TCF21: variants seen among roughly 807,000 people sequenced by gnomAD.
TCF21 encodes transcription factor 21.
In TCF21, 3 loss-of-function variants were observed where a neutral mutation model predicts 13.5. The ratio of observed to expected loss-of-function variants is 0.22; its 90% CI spans 0.10 to 0.57. The LOEUF (loss-of-function observed/expected upper bound fraction) is 0.57. TCF21 is among the 20% of genes least tolerant of loss of function. TCF21 has a pLI of 0.92. For synonymous variants in TCF21, 92 were observed against 101.7 expected (o/e 0.90, Z 0.57); for missense variants, 181 against 238.4 (o/e 0.76, Z 1.59).
At chr6:133,891,354 C>T (rs778921887) in intron 1 of TCF21, among the ~76,000 whole-genome samples, 1 of 152,238 alleles carries the variant, frequency 6.6e-6, no homozygotes, top group Non-Finnish European at 1.5e-5. Context: ...CCGGCTCAGA[C>T]TGCCAAAGCG....
chr6:133,890,653 T>A (rs1450434637), intron 1 of TCF21, among the ~76,000 whole-genome samples: 1 of 152,204 alleles, frequency 6.6e-6, no homozygotes, highest in African/African-American at 2.4e-5. Context: ...TATATCTTAA[T>A]TTTTTTCATT....
At position 133,891,833 on chromosome 6, in the gene TCF21, C is replaced by A. The variant is rs1432145775; in HGVS notation, c.*31C>A. 6.8e-6 allele frequency: 11 copies of A among 1,611,668 alleles called. No individual in the cohort carries two copies. The highest frequency in any genetic ancestry group is 1.3e-5 in the African/African-American group (1 of 74,862). ...GAGGTGCGAGTCTGGGAAAGGCGCG[C>A]TCCCGGGGGGAGCGGGCCCCGGGAA... is the stretch of plus-strand genomic sequence containing the variant. On this transcript the variant is annotated 3_prime_UTR_variant, in exon 2 of 2. Coordinates refer to ENST00000367882, the MANE Select transcript of TCF21 (RefSeq NM_003206.4).
chr6:133,890,595 A>G (rs956898955), intron 1 of TCF21, among the ~76,000 whole-genome samples: 4 of 152,218 alleles, frequency 2.6e-5, no homozygotes, highest in African/African-American at 9.7e-5. Flanking sequence ...AAAAACTGAT[A>G]ATCATTGAGT....
rs761671595 is a variant in TCF21 at position 133,891,847 on chromosome 6, G to C, written c.*45G>C. 6.2e-6 allele frequency: 10 copies of C among 1,605,052 alleles called. No homozygotes were observed. In the Admixed American group the frequency reaches 1.5e-4, roughly 24 times the overall value. Reference sequence around the variant, plus strand: ...GGAAAGGCGCGCTCCCGGGGGGAGCGGGCCCCGGGAAGGCGACCCCTGCCC... The same window carrying C: ...GGAAAGGCGCGCTCCCGGGGGGAGCCGGCCCCGGGAAGGCGACCCCTGCCC... On this transcript the variant is annotated 3_prime_UTR_variant, in exon 2 of 2. Transcript: ENST00000367882.
chr6:133,892,798 T>A (rs919283796), downstream of TCF21: 2 of 152,266 alleles, frequency 1.3e-5, no homozygotes, highest in African/African-American at 4.8e-5. Flanking sequence ...TAAACCCGCA[T>A]GCCTGCCTTT....
Position 133,891,862 on chromosome 6 carries a change from G to T in TCF21, c.*60G>T. On this transcript the variant is annotated 3_prime_UTR_variant, in exon 2 of 2. Transcript: ENST00000367882. ...CGGGGGGAGCGGGCCCCGGGAAGGCGACCCCTGCCCTCAGTGCTCTCTGTC... is the reference window on the plus strand; with the variant it reads ...CGGGGGGAGCGGGCCCCGGGAAGGCTACCCCTGCCCTCAGTGCTCTCTGTC... The T allele has an allele frequency of 6.4e-7, 1 of 1,573,374 alleles. No individual in the cohort carries two copies. The highest frequency in any genetic ancestry group is 8.7e-7 in the Non-Finnish European group (1 of 1,148,690).
chr6:133,892,380 A>G (rs1240692984), downstream of TCF21: 1 of 152,240 alleles, frequency 6.6e-6, no homozygotes, highest in African/African-American at 2.4e-5. Flanking sequence ...ATAGAAGAAA[A>G]TTGCATATGA....
chr6:133,891,639 C>G, intron 1 of TCF21, 74 bp from the exon 2 acceptor site: 4 of 649,980 alleles, frequency 6.2e-6, no homozygotes, highest in Non-Finnish European at 9.1e-6. Flanking sequence ...CCCTTCCTTT[C>G]ATCTCAGGCC....
Position 133,889,878 on chromosome 6 carries a change from C to T in TCF21, c.450+31C>T. On this transcript the variant is annotated intron_variant, in intron 1 of 1. Coordinates refer to ENST00000367882, the MANE Select transcript of TCF21 (RefSeq NM_003206.4). This position sits in a 1 kb window ranked among gnomAD's most constrained non-coding sequence, Gnocchi z 5.1. ...TGCTCCCGGGGCTGCAGCTGCAGTC[C>T]AGGCGCGCCCGCACTCCCGCCTGCG... 6.2e-7 allele frequency: 1 copy of T among 1,611,198 alleles called. No homozygotes were observed. Among genetic ancestry groups the T allele is most frequent in the Non-Finnish European group, 8.5e-7 (1 of 1,178,820 alleles).
At position 133,889,449 on chromosome 6, in the gene TCF21, T is replaced by C. The variant is rs372484305; in HGVS notation, c.52T>C (p.Leu18=). 3.1e-6 allele frequency: 5 copies of C among 1,613,676 alleles called. No homozygotes were observed. The African/African-American group carries it at 5.3e-5, about 17-fold the overall frequency. The change falls in exon 1 of 2, where the codon TTG becomes CTG. Residue 18 remains leucine (L), a synonymous_variant. Transcript: ENST00000367882. The surrounding 1 kb of genome is among the most constrained non-coding windows in gnomAD (Gnocchi z 5.1). ...GGAGGACCTTCAAGAGGTGGAGATG[T>C]TGGAATGTGACGGGTTGAAAATGGA... The part of the protein sequence containing the change: ...DVEDLQEVEM[L]ECDGLKMDSN...
chr6:133,891,621 CA>C, intron 1 of TCF21, 91 bp from the exon 2 acceptor site: 7 of 1,268,004 alleles, frequency 5.5e-6, no homozygotes, highest in African/African-American at 1.5e-5. Flanking sequence ...CGCCTGCCCC[CA>C]CCGCCCCCCT....
chr6:133,889,458 GA>G lies in TCF21; in HGVS notation c.62del (p.Asp21AlafsTer3), dbSNP rs1391004981. On this transcript the variant is annotated frameshift_variant, in exon 1 of 2. Coordinates refer to ENST00000367882, the MANE Select transcript of TCF21 (RefSeq NM_003206.4). LOFTEE classifies it high-confidence loss of function. This position sits in a 1 kb window ranked among gnomAD's most constrained non-coding sequence, Gnocchi z 5.1. Reference sequence around the variant, plus strand: ...TCAAGAGGTGGAGATGTTGGAATGTGACGGGTTGAAAATGGATTCGAACAAG... The same window carrying G: ...TCAAGAGGTGGAGATGTTGGAATGTGCGGGTTGAAAATGGATTCGAACAAG... ...DLQEVEMLEC[D>X]GLKMDSNKEF... 6.2e-7 allele frequency: 1 copy of G among 1,614,042 alleles called. No homozygotes were observed. The highest frequency in any genetic ancestry group is 1.3e-5 in the African/African-American group (1 of 74,924).
Position 133,889,359 on chromosome 6 carries a change from G to GTCTCTC in TCF21, c.-26_-21dup, listed in dbSNP as rs3068172. ...TCTTCCTCGCTTTCTCTGTCTCTCT[G>GTCTCTC]TCTCTCTCTCTCTCTCTCCCTCGTC... On this transcript the variant is annotated 5_prime_UTR_variant, in exon 1 of 2. Transcript: ENST00000367882. The surrounding 1 kb of genome is among the most constrained non-coding windows in gnomAD (Gnocchi z 5.1). 1.1e-3 allele frequency: 1,718 copies of GTCTCTC among 1,517,366 alleles called. No homozygotes were observed. Among genetic ancestry groups the GTCTCTC allele is most frequent in the Non-Finnish European group, 1.4e-3 (1,601 of 1,109,648 alleles). The allele number at this position is 1,517,366 out of a possible 1,614,324, so 94.0% of individuals were successfully genotyped here.
At chr6:133,890,915 G>GT (rs953559405) in intron 1 of TCF21, among the ~76,000 whole-genome samples, 4 of 152,102 alleles carry the variant, frequency 2.6e-5, no homozygotes, top group Admixed American at 6.5e-5. Flanking sequence ...AAAGTTTGGG[G>GT]TTTTTCCCCC....
At position 133,891,783 on chromosome 6, in the gene TCF21, G is replaced by A; in HGVS notation, c.521G>A (p.Cys174Tyr). The change falls in exon 2 of 2, where the codon TGT (cysteine) becomes TAT (tyrosine). Residue 174 changes from cysteine to tyrosine, a missense_variant. Transcript: ENST00000367882. ...LKEVVTASRL[C>Y]GTTAS ...GAAGTGGTGACCGCGAGCCGCTTAT[G>A]TGGAACCACCGCGTCCTGACCTTGG... is the stretch of plus-strand genomic sequence containing the variant. 1.9e-6 allele frequency: 3 copies of A among 1,614,040 alleles called. No homozygotes were observed. The highest frequency in any genetic ancestry group is 2.7e-5 in the African/African-American group (2 of 75,002).
Position 133,889,967 on chromosome 6 carries a change from C to T in TCF21, c.450+120C>T. The T allele has an allele frequency of 1.8e-6, 2 of 1,136,934 alleles. No individual in the cohort carries two copies. Among genetic ancestry groups the T allele is most frequent in the Admixed American group, 1.9e-5 (1 of 51,492 alleles). The allele number at this position is 1,136,934 out of a possible 1,614,324, so 70.4% of individuals were successfully genotyped here. A position where few individuals can be genotyped will look rare whatever the true frequency, so the allele number is the denominator to read the frequency against. On this transcript the variant is annotated intron_variant, in intron 1 of 1. Transcript: ENST00000367882. This position sits in a 1 kb window ranked among gnomAD's most constrained non-coding sequence, Gnocchi z 5.1. ...GGGCGCGGCGGTGACTTACACATCT[C>T]GACCACCGCGGGCCTAGAGCCTCCA...
In TCF21 at chr6:133,889,393, C is replaced by T. The variant is rs906650649; in HGVS notation, c.-5C>T. ...TCTCTCTCTCCCTCGTCCACTCCCCCAAACATGTCCACCGGCTCCCTCAGC... is the reference window on the plus strand; with the variant it reads ...TCTCTCTCTCCCTCGTCCACTCCCCTAAACATGTCCACCGGCTCCCTCAGC... On this transcript the variant is annotated 5_prime_UTR_variant, in exon 1 of 2. Coordinates refer to ENST00000367882, the MANE Select transcript of TCF21 (RefSeq NM_003206.4). This position sits in a 1 kb window ranked among gnomAD's most constrained non-coding sequence, Gnocchi z 5.1. 1.2e-6 allele frequency: 2 copies of T among 1,613,828 alleles called. No individual in the cohort carries two copies. Among genetic ancestry groups the T allele is most frequent in the East Asian group, 2.2e-5 (1 of 44,866 alleles).
chr6:133,890,810 T>C (rs999970798), intron 1 of TCF21, among the ~76,000 whole-genome samples: 1 of 152,148 alleles, frequency 6.6e-6, no homozygotes, highest in Non-Finnish European at 1.5e-5. Flanking sequence ...GTGAGAGGGG[T>C]CTGAATTGTC....
intron 1 of TCF21, among the ~76,000 whole-genome samples, chr6:133,891,198 C>A (rs1257731342): frequency 1.3e-5 from 2 of 152,060 alleles, no homozygotes; most frequent in African/African-American, 2.4e-5. Context: ...ATGGAAGAAA[C>A]GAAAGTCGGA....
Sources: gnomAD v4.1 joint callset for allele counts (sites outside exome capture counted in the v4.1 genomes callset) on GRCh38, gnomAD v4.1.1 for gene constraint, Gnocchi (gnomAD v3.1) non-coding constraint, MANE v1.5 for transcripts, NCBI Gene and HGNC (gene_info 2026-07-23, HGNC 2026-07-21) for gene names.